PSMC4: variants seen among roughly 807,000 people sequenced by gnomAD.
PSMC4 encodes 26S proteasome regulatory subunit 6B.
Under a neutral mutation model 48.4 loss-of-function variants are expected in PSMC4, and 13 were observed. The observed-to-expected ratio is 0.27, with a 90% CI of 0.18 to 0.43. The LOEUF (loss-of-function observed/expected upper bound fraction) is 0.43, where lower values mean the gene tolerates loss of function less well. Ranked by LOEUF, PSMC4 falls within the 20% of genes least tolerant of loss-of-function variation. The pLI is 1.00. For missense variants in PSMC4, 262 were observed against 555.9 expected, an observed-to-expected ratio of 0.47 and a Z score of 5.32; for synonymous variants, 202 against 212.3, an observed-to-expected ratio of 0.95 and a Z score of 0.42.
At chr19:39,975,307 T>C (rs920709658) in intron 6 of PSMC4, among the ~76,000 whole-genome samples, 8 of 152,070 alleles carry the variant, frequency 5.3e-5, no homozygotes, top group African/African-American at 1.9e-4. Context: ...TTTGTAGAGA[T>C]AGGGTCTCAC....
At chr19:39,981,076 C>G (rs535738652) in intron 10 of PSMC4, 116 bp from the exon 11 acceptor site, 2 of 771,650 alleles carry the variant, frequency 2.6e-6, no homozygotes, top group Non-Finnish European at 4.4e-6. Context: ...AGGCTGGTCT[C>G]GAACTCTTGG....
intron 6 of PSMC4, 26 bp from the exon 7 acceptor site, chr19:39,979,791 C>T (rs892018697): frequency 6.3e-7 from 1 of 1,596,232 alleles, no homozygotes; most frequent in Non-Finnish European, 8.5e-7. Context: ...CTCATTCCCG[C>T]CTAACTGTTG....
At position 39,979,996 on chromosome 19, in the gene PSMC4, T is replaced by C. The variant is rs748637129; in HGVS notation, c.841+12T>C. 3 of 1,613,720 alleles carry C rather than the reference T, an allele frequency of 1.9e-6. No individual in the cohort carries two copies. Among genetic ancestry groups the C allele is most frequent in the Non-Finnish European group, 2.5e-6 (3 of 1,179,828 alleles). ...TGCTCAGACAGGGGGTAAGTGATGC[T>C]GAAACAAGGCCCGGGGTCTTGGACA... On this transcript the variant is annotated intron_variant, in intron 7 of 10. Coordinates refer to ENST00000157812, the MANE Select transcript of PSMC4 (RefSeq NM_006503.4).
Position 39,974,148 on chromosome 19 carries a change from G to A in PSMC4, c.323-146G>A. The stretch of plus-strand genomic sequence containing the variant: ...GGAGTTCGTGTGAATACTGGGGACG[G>A]ACAGCAGGAGGGAAGGCTGGAGGCC... On this transcript the variant is annotated intron_variant, in intron 3 of 10. Transcript: ENST00000157812. This position sits in a 1 kb window ranked among gnomAD's most constrained non-coding sequence, Gnocchi z 5.5. 1.1e-6 allele frequency: 1 copy of A among 941,950 alleles called. No individual in the cohort carries two copies. The highest frequency in any genetic ancestry group is 1.6e-6 in the Non-Finnish European group (1 of 637,066). The allele number at this position is 941,950 out of a possible 1,614,324, so 58.3% of individuals were successfully genotyped here.
In PSMC4 at chr19:39,974,841, GC is replaced by G; in HGVS notation, c.673+17del. ...CATCACACAACAGGTGAGCCCTTTC[GC>G]CCCTGCCCCGAGCTCTCATCTTCTG... On this transcript the variant is annotated intron_variant, in intron 6 of 10. Transcript: ENST00000157812. This position sits in a 1 kb window ranked among gnomAD's most constrained non-coding sequence, Gnocchi z 5.5. The G allele has an allele frequency of 6.2e-7, 1 of 1,607,558 alleles. No individual in the cohort carries two copies.
In PSMC4 at chr19:39,980,804, C is replaced by T. The variant is rs1167522007; in HGVS notation, c.1143+87C>T. The stretch of plus-strand genomic sequence containing the variant: ...CCACTCTGCTGCAGTCCTGTCCCCT[C>T]ATGGCTGCCCTGGGTCGTGGGCGCC... On this transcript the variant is annotated intron_variant, in intron 10 of 10. Transcript: ENST00000157812. This position sits in a 1 kb window ranked among gnomAD's most constrained non-coding sequence, Gnocchi z 4.8. 1 of 1,368,286 alleles carries T rather than the reference C, an allele frequency of 7.3e-7. No homozygotes were observed. Among genetic ancestry groups the T allele is most frequent in the Non-Finnish European group, 1.0e-6 (1 of 957,512 alleles). The allele number at this position is 1,368,286 out of a possible 1,614,324, so 84.8% of individuals were successfully genotyped here. A position where few individuals can be genotyped will look rare whatever the true frequency, so the allele number is the denominator to read the frequency against.
intron 1 of PSMC4, 92 bp downstream of exon 1, chr19:39,971,330 A>C (rs1599725340): frequency 6.7e-7 from 1 of 1,503,260 alleles, no homozygotes. Context: ...GGCTTCCAGG[A>C]CCCCGGCCCA....
chr19:39,980,503 T>TA lies in PSMC4; in HGVS notation c.1087+50dup, dbSNP rs1431205186. The TA allele has an allele frequency of 6.2e-7, 1 of 1,606,454 alleles. No individual in the cohort carries two copies. The highest frequency in any genetic ancestry group is 8.5e-7 in the Non-Finnish European group (1 of 1,173,932). On this transcript the variant is annotated intron_variant, in intron 9 of 10. Transcript: ENST00000157812. The surrounding 1 kb of genome is among the most constrained non-coding windows in gnomAD (Gnocchi z 4.8). ...AGGGGCCCTAGTTGGGAACGGGGAT[T>TA]AGATCTTCAGCTCAACTTCTGCCAG...
In PSMC4 at chr19:39,981,521, CAG is replaced by C; in HGVS notation, c.*218_*219del. Reference sequence around the variant, plus strand: ...ATCCTCTGGGTCCCTCTTAATCTGACAGATGAGCAGACGAGGTGCATGGCCTG... The same window carrying C: ...ATCCTCTGGGTCCCTCTTAATCTGACATGAGCAGACGAGGTGCATGGCCTG... On this transcript the variant is annotated 3_prime_UTR_variant, in exon 11 of 11. Transcript: ENST00000157812. The C allele has an allele frequency of 2.1e-6, 1 of 473,912 alleles. No homozygotes were observed. Among genetic ancestry groups the C allele is most frequent in the Non-Finnish European group, 3.8e-6 (1 of 260,124 alleles). 29.4% of individuals were successfully genotyped at this position (473,912 alleles called of 1,614,324 possible).
intron 6 of PSMC4, among the ~76,000 whole-genome samples, chr19:39,976,133 A>C (rs1340056183): frequency 6.6e-6 from 1 of 151,530 alleles, no homozygotes; most frequent in East Asian, 1.9e-4. Flanking sequence ...GCTACTTGGG[A>C]GGCTGAGGCA....
Position 39,980,671 on chromosome 19 carries a change from G to C in PSMC4, c.1097G>C (p.Arg366Pro). 2.5e-6 allele frequency: 4 copies of C among 1,613,986 alleles called. No individual in the cohort carries two copies. The highest frequency in any genetic ancestry group is 3.4e-6 in the Non-Finnish European group (4 of 1,179,964). ...CCTTAACTCGCTGCAGATGTGGCCC[G>C]GCCAGATAAGATTTCAGGAGCTGAT... Reference protein sequence around the residue: ...EEVDLEDYVARPDKISGADIN... With the variant: ...EEVDLEDYVAPPDKISGADIN... Residue 366 changes from arginine (R) to proline (P), a missense_variant, in exon 10 of 11, where the codon CGG (arginine) becomes CCG (proline). Physicochemically the swap from Arg to Pro is moderately radical, Grantham distance 103. Coordinates refer to ENST00000157812, the MANE Select transcript of PSMC4 (RefSeq NM_006503.4). This position sits in a 1 kb window ranked among gnomAD's most constrained non-coding sequence, Gnocchi z 4.8.
Position 39,979,887 on chromosome 19 carries a change from G to A in PSMC4, c.744G>A (p.Arg248=), listed in dbSNP as rs759751401. ...KYLGEGPRMV[R]DVFRLAKENA... is the part of the protein sequence containing the mutation. The stretch of plus-strand genomic sequence containing the variant: ...TGGGTGAGGGCCCCCGCATGGTCCG[G>A]GATGTGTTCCGCCTGGCCAAGGAGA... The change falls in exon 7 of 11, where the codon CGG becomes CGA. Residue 248 remains arginine (R), a synonymous_variant. Coordinates refer to ENST00000157812, the MANE Select transcript of PSMC4 (RefSeq NM_006503.4). The A allele has an allele frequency of 1.9e-6, 3 of 1,614,138 alleles. No homozygotes were observed. Among genetic ancestry groups the A allele is most frequent in the Non-Finnish European group, 2.5e-6 (3 of 1,180,016 alleles).
In PSMC4 at chr19:39,980,062, ACT is replaced by A; in HGVS notation, c.842-4_842-3del. 6.2e-7 allele frequency: 1 copy of A among 1,613,990 alleles called. No homozygotes were observed. The highest frequency in any genetic ancestry group is 8.5e-7 in the Non-Finnish European group (1 of 1,179,996). On this transcript the variant is annotated splice_region_variant and splice_polypyrimidine_tract_variant and intron_variant, in intron 7 of 10. Coordinates refer to ENST00000157812, the MANE Select transcript of PSMC4 (RefSeq NM_006503.4). The surrounding 1 kb of genome is among the most constrained non-coding windows in gnomAD (Gnocchi z 4.8). ...ATGCCTGGGACTGACTGTGCTGTGC[ACT>A]CTCAGCCGACAGGGAGGTTCAGAGG...
intron 3 of PSMC4, among the ~76,000 whole-genome samples, chr19:39,973,090 C>CT (rs1317656230): frequency 6.6e-6 from 1 of 152,184 alleles, no homozygotes; most frequent in African/African-American, 2.4e-5. Context: ...CTGTCTCTTA[C>CT]TTTTTAGATA....
At position 39,974,089 on chromosome 19, in the gene PSMC4, C is replaced by T. The variant is rs1032416621; in HGVS notation, c.323-205C>T. Among the ~76,000 whole-genome samples, 18 of 152,058 alleles carry T rather than the reference C, an allele frequency of 1.2e-4. No individual in the cohort carries two copies. Among genetic ancestry groups the T allele is most frequent in the South Asian group, 2.1e-4 (1 of 4,822 alleles). ...GGGGAGGCCTGCTGGACAGCCAGGG[C>T]TGGATGTCAAGAGAGAATCAGGGCG... On this transcript the variant is annotated intron_variant, in intron 3 of 10. Transcript: ENST00000157812. This position sits in a 1 kb window ranked among gnomAD's most constrained non-coding sequence, Gnocchi z 5.5.
chr19:39,981,276 G>C lies in PSMC4; in HGVS notation c.1228G>C (p.Asp410His). 4.3e-6 allele frequency: 7 copies of C among 1,614,016 alleles called. No homozygotes were observed. The highest frequency in any genetic ancestry group is 5.9e-6 in the Non-Finnish European group (7 of 1,179,946). The change falls in exon 11 of 11, where the codon GAC becomes CAC. Residue 410 changes from aspartate to histidine, a missense_variant. By Grantham distance (81) the Asp-to-His change is moderately conservative (BLOSUM62 -1). Coordinates refer to ENST00000157812, the MANE Select transcript of PSMC4 (RefSeq NM_006503.4). ...EKAYKTVIKKDEQEHEFYK is the reference protein window; with the variant it reads ...EKAYKTVIKKHEQEHEFYK The stretch of plus-strand genomic sequence containing the variant: ...AGCATACAAGACTGTCATCAAGAAG[G>C]ACGAGCAGGAGCATGAGTTTTACAA...
In PSMC4 at chr19:39,972,474, C is replaced by T. The variant is rs746586299; in HGVS notation, c.241C>T (p.Arg81Ter). The change falls in exon 3 of 11, where the codon CGA (arginine) becomes TGA (stop). Residue 81 changes from arginine (R) to a stop codon, truncating the protein, a stop_gained. Coordinates refer to ENST00000157812, the MANE Select transcript of PSMC4 (RefSeq NM_006503.4). LOFTEE classifies it high-confidence loss of function. ...TCTCCATGCCCAGGAGGAGGTGAAG[C>T]GAATCCAAAGCATCCCGCTGGTCAT... is the stretch of plus-strand genomic sequence containing the variant. ...EFLHAQEEVKRIQSIPLVIGQ... is the reference protein window; with the variant it reads ...EFLHAQEEVK The T allele has an allele frequency of 3.7e-6, 6 of 1,614,126 alleles. No homozygotes were observed. The highest frequency in any genetic ancestry group is 4.2e-6 in the Non-Finnish European group (5 of 1,180,030).
chr19:39,974,146 C>A lies in PSMC4; in HGVS notation c.323-148C>A. ...AAGGAGTTCGTGTGAATACTGGGGACGGACAGCAGGAGGGAAGGCTGGAGG... is the reference window on the plus strand; with the variant it reads ...AAGGAGTTCGTGTGAATACTGGGGAAGGACAGCAGGAGGGAAGGCTGGAGG... On this transcript the variant is annotated intron_variant, in intron 3 of 10. Transcript: ENST00000157812. The surrounding 1 kb of genome is among the most constrained non-coding windows in gnomAD (Gnocchi z 5.5). 1.1e-6 allele frequency: 1 copy of A among 922,210 alleles called. No homozygotes were observed. The highest frequency in any genetic ancestry group is 1.6e-6 in the Non-Finnish European group (1 of 619,954). 57.1% of individuals were successfully genotyped at this position (922,210 alleles called of 1,614,324 possible). A position where few individuals can be genotyped will look rare whatever the true frequency, so the allele number is the denominator to read the frequency against.
intron 1 of PSMC4, 55 bp downstream of exon 1, chr19:39,971,293 A>G: frequency 6.2e-7 from 1 of 1,607,074 alleles, no homozygotes; most frequent in Non-Finnish European, 8.5e-7. Flanking sequence ...GGAGAGGGTG[A>G]AGCCAGACCT....
Sources: gnomAD v4.1 joint callset for allele counts (sites outside exome capture counted in the v4.1 genomes callset) on GRCh38, gnomAD v4.1.1 for gene constraint, Gnocchi (gnomAD v3.1) non-coding constraint, MANE v1.5 for transcripts, NCBI Gene and HGNC (gene_info 2026-07-23, HGNC 2026-07-21) for gene names.